The following CWF19L1 variants were observed in gnomAD, a reference collection of about 807,000 sequenced individuals.
CWF19L1 encodes the protein CWF19 like cell cycle control factor 1, also known as CWF19-like protein 1.
Under a neutral mutation model 69.7 loss-of-function variants are expected in CWF19L1, and 60 were observed. The observed-to-expected ratio is 0.86, with a 90% CI of 0.70 to 1.07. CWF19L1 has a LOEUF of 1.07. CWF19L1 is among the 50% of genes least tolerant of loss of function. The pLI, the probability that CWF19L1 is intolerant of heterozygous loss-of-function variation, is 0.00. For missense variants in CWF19L1, 591 were observed against 638.9 expected, an observed-to-expected ratio of 0.92 and a Z score of 0.81; for synonymous variants, 209 against 222.2, an observed-to-expected ratio of 0.94 and a Z score of 0.53.
intron 7 of CWF19L1, chr10:100,249,117 C>T: frequency 2.1e-6 from 1 of 475,082 alleles, no homozygotes; most frequent in South Asian, 2.1e-5. Context: ...TGGGCCACAG[C>T]CCTGATGATT....
chr10:100,239,788 T>C (rs1846579472), intron 10 of CWF19L1, among the ~76,000 whole-genome samples: 1 of 152,252 alleles, frequency 6.6e-6, no homozygotes, highest in African/African-American at 2.4e-5. Context: ...ATGATTGTCC[T>C]TGATTTGTTT....
chr10:100,245,980 C>A, intron 8 of CWF19L1, 67 bp from the exon 9 acceptor site: 1 of 1,137,972 alleles, frequency 8.8e-7, no homozygotes, highest in Non-Finnish European at 1.3e-6. Flanking sequence ...GCCGACCACT[C>A]ACATACAAGG....
At chr10:100,235,818 A>T (rs1846415921) in intron 12 of CWF19L1, 54 bp from the exon 13 acceptor site, 1 of 1,202,816 alleles carries the variant, frequency 8.3e-7, no homozygotes, top group South Asian at 1.3e-5. Context: ...AAAATCTATA[A>T]TCTGAGTTCA....
chr10:100,249,344 C>G (rs1286333282), intron 7 of CWF19L1, among the ~76,000 whole-genome samples: 1 of 152,190 alleles, frequency 6.6e-6, no homozygotes, highest in Non-Finnish European at 1.5e-5. Flanking sequence ...GACTCTTTAT[C>G]TGCCTATTTT....
chr10:100,244,084 G>A (rs1846725234), intron 9 of CWF19L1, among the ~76,000 whole-genome samples: 1 of 152,200 alleles, frequency 6.6e-6, no homozygotes, highest in African/African-American at 2.4e-5. Flanking sequence ...GGTGTCAGGA[G>A]CCCCAATTAA....
At chr10:100,250,553 A>G (rs947494667) in intron 6 of CWF19L1, among the ~76,000 whole-genome samples, 1 of 152,212 alleles carries the variant, frequency 6.6e-6, no homozygotes, top group Non-Finnish European at 1.5e-5. Context: ...GTCTTCAGAA[A>G]CCATCAAAAC....
At chr10:100,262,881 T>C (rs1213106689) in intron 1 of CWF19L1, among the ~76,000 whole-genome samples, 6 of 152,204 alleles carry the variant, frequency 3.9e-5, no homozygotes, top group Non-Finnish European at 7.3e-5. Flanking sequence ...TTTTATTGTT[T>C]TGTGAGTGTC....
chr10:100,266,336 G>A (rs1361303439), intron 1 of CWF19L1, among the ~76,000 whole-genome samples: 2 of 143,448 alleles, frequency 1.4e-5, no homozygotes, highest in African/African-American at 2.9e-5. Flanking sequence ...GGACCACCAC[G>A]CCCGGCTAAT....
In CWF19L1 at chr10:100,253,553, A is replaced by C. The variant is rs368240790; in HGVS notation, c.505-14T>G. ...ATCCACTTCTCCCTAGTAAACAAAAACTTAGTCATCCATACAGACCAAAAG... is the reference window on the plus strand; with the variant it reads ...ATCCACTTCTCCCTAGTAAACAAAACCTTAGTCATCCATACAGACCAAAAG... On this transcript the variant is annotated splice_polypyrimidine_tract_variant and intron_variant, in intron 5 of 13. Transcript: ENST00000354105. The C allele has an allele frequency of 1.3e-4, 193 of 1,512,668 alleles. No homozygotes were observed. Among genetic ancestry groups the C allele is most frequent in the Admixed American group, 2.9e-4 (17 of 59,558 alleles). The allele number at this position is 1,512,668 out of a possible 1,614,324, so 93.7% of individuals were successfully genotyped here.
At chr10:100,253,730 T>C (rs1847118584) in intron 5 of CWF19L1, 191 bp from the exon 6 acceptor site, 2 of 477,038 alleles carry the variant, frequency 4.2e-6, no homozygotes, top group Non-Finnish European at 7.4e-6. Context: ...GCTGAACTAC[T>C]ATGAATGTAG....
intron 1 of CWF19L1, among the ~76,000 whole-genome samples, chr10:100,265,919 C>T (rs900545108): frequency 1.3e-5 from 2 of 152,200 alleles, no homozygotes; most frequent in African/African-American, 4.8e-5. Context: ...TGACGTACAG[C>T]TATACCATTT....
At position 100,233,168 on chromosome 10, in the gene CWF19L1, A is replaced by G; in HGVS notation, c.*59T>C. 1.1e-6 allele frequency: 1 copy of G among 912,058 alleles called. No individual in the cohort carries two copies. 56.5% of individuals were successfully genotyped at this position (912,058 alleles called of 1,614,324 possible). On this transcript the variant is annotated 3_prime_UTR_variant, in exon 14 of 14. Transcript: ENST00000354105. Reference sequence around the variant, plus strand: ...GTCTCAAAAAAAATTCTTTTAATTAAAAAAAAAAAAAAGCTTTACTACTTC... The same window carrying G: ...GTCTCAAAAAAAATTCTTTTAATTAGAAAAAAAAAAAAGCTTTACTACTTC...
At chr10:100,235,789 G>C in intron 12 of CWF19L1, 25 bp from the exon 13 acceptor site, 1 of 1,484,146 alleles carries the variant, frequency 6.7e-7, no homozygotes, top group South Asian at 1.1e-5. Context: ...GTTGTATGAG[G>C]ATGTCCAATA....
At chr10:100,263,642 T>G (rs1437226569) in intron 1 of CWF19L1, among the ~76,000 whole-genome samples, 1 of 152,214 alleles carries the variant, frequency 6.6e-6, no homozygotes, top group Non-Finnish European at 1.5e-5. Flanking sequence ...CTGTCCAGTT[T>G]ATACATCACC....
chr10:100,261,841 C>T, intron 2 of CWF19L1, 138 bp downstream of exon 2: 2 of 636,294 alleles, frequency 3.1e-6, no homozygotes, highest in African/African-American at 1.9e-5. Flanking sequence ...TCAGCAGCTA[C>T]TAAGTTCCTA....
At chr10:100,252,018 G>T (rs918385016) in intron 6 of CWF19L1, among the ~76,000 whole-genome samples, 2 of 152,128 alleles carry the variant, frequency 1.3e-5, no homozygotes, top group Non-Finnish European at 2.9e-5. Flanking sequence ...TATGGTAAGG[G>T]GGGTATTCTC....
At position 100,253,406 on chromosome 10, in the gene CWF19L1, T is replaced by A; in HGVS notation, c.623+15A>T. ...AAATTCTTCAAAAAGCCAAGAAGAATGAAATGCTACTCACCGATATGGAAG... is the reference window on the plus strand; with the variant it reads ...AAATTCTTCAAAAAGCCAAGAAGAAAGAAATGCTACTCACCGATATGGAAG... On this transcript the variant is annotated intron_variant, in intron 6 of 13. Transcript: ENST00000354105. The A allele has an allele frequency of 7.0e-7, 1 of 1,425,862 alleles. No homozygotes were observed. The highest frequency in any genetic ancestry group is 9.9e-7 in the Non-Finnish European group (1 of 1,012,112). The allele number at this position is 1,425,862 out of a possible 1,614,324, so 88.3% of individuals were successfully genotyped here.
In CWF19L1 at chr10:100,233,249, T is replaced by A. The variant is rs568191434; in HGVS notation, c.1595A>T (p.Tyr532Phe). 5 of 1,613,346 alleles carry A rather than the reference T, an allele frequency of 3.1e-6. No individual in the cohort carries two copies. In the Admixed American group the frequency reaches 8.3e-5, roughly 27 times the overall value. ...GTTTTAGTCATCCAGAGTAAAGTCA[T>A]AGGGCTCAAAGTCTTTCCGGAAGCG... is the stretch of plus-strand genomic sequence containing the variant. ...ARRFRKDFEPYDFTLDD is the reference protein window; with the variant it reads ...ARRFRKDFEPFDFTLDD The change falls in exon 14 of 14, where the codon TAT becomes TTT. Residue 532 changes from tyrosine to phenylalanine, a missense_variant. Tyr to Phe is a conservative substitution (Grantham distance 22, BLOSUM62 3). Transcript: ENST00000354105.
Position 100,267,627 on chromosome 10 carries a change from A to G in CWF19L1, c.-34T>C, listed in dbSNP as rs1256194380. 2.5e-6 allele frequency: 4 copies of G among 1,614,026 alleles called. No homozygotes were observed. Among genetic ancestry groups the G allele is most frequent in the Non-Finnish European group, 2.5e-6 (3 of 1,179,880 alleles). ...ATAGTATGGGTTGCGACTGCCACCT[A>G]AAATTGGGAATGCGAATCCGCGCTC... On this transcript the variant is annotated 5_prime_UTR_variant, in exon 1 of 14. Coordinates refer to ENST00000354105, the MANE Select transcript of CWF19L1 (RefSeq NM_018294.6).
Sources: allele counts gnomAD v4.1 joint callset (sites outside exome capture counted in the v4.1 genomes callset), GRCh38; gene constraint gnomAD v4.1.1; transcripts MANE v1.5; gene names NCBI Gene and HGNC (gene_info 2026-07-23, HGNC 2026-07-21).